The following HHIPL1 variants were observed in gnomAD, a reference collection of about 807,000 sequenced individuals.
The protein encoded by HHIPL1 is HHIP-like protein 1.
In HHIPL1, 43 loss-of-function variants were observed where a neutral mutation model predicts 61.8. The ratio of observed to expected loss-of-function variants is 0.70; its 90% CI spans 0.55 to 0.90. The LOEUF (loss-of-function observed/expected upper bound fraction) is 0.90, where lower values mean the gene tolerates loss of function less well. Ranked by LOEUF, HHIPL1 falls within the 40% of genes least tolerant of loss-of-function variation. The pLI, the probability that HHIPL1 is intolerant of heterozygous loss-of-function variation, is 0.00. For missense variants in HHIPL1, 1,056 were observed against 1,157.7 expected, an observed-to-expected ratio of 0.91 and a Z score of 1.28; for synonymous variants, 482 against 515.8, an observed-to-expected ratio of 0.93 and a Z score of 0.89.
At chr14:99,632,581 CT>C in the HHIPL1 span, among the ~76,000 whole-genome samples, 2 of 152,186 alleles carry the variant, frequency 1.3e-5, no homozygotes, top group East Asian at 3.9e-4. Context: ...TATCACTTCC[CT>C]TTTTCTGAGT....
At chr14:99,642,337 G>GT (rs778435689), upstream of HHIPL1, among the ~76,000 whole-genome samples, 15 of 151,716 alleles carry the variant, frequency 9.9e-5, no homozygotes, top group Admixed American at 2.0e-4. Context: ...TTTGGAAATT[G>GT]TTCCACAGTC....
intron 1 of HHIPL1, among the ~76,000 whole-genome samples, chr14:99,646,001 C>T (rs1423845831): frequency 2.6e-5 from 4 of 152,260 alleles, no homozygotes; most frequent in African/African-American, 4.8e-5. Flanking sequence ...GCCCTTGCCA[C>T]TTCCGCCACC....
chr14:99,632,286 C>T, the HHIPL1 span, among the ~76,000 whole-genome samples: 5 of 152,304 alleles, frequency 3.3e-5, no homozygotes, highest in Admixed American at 2.6e-4. Flanking sequence ...TTCTTACCTG[C>T]ACTCTCAGAG....
chr14:99,609,321 G>A, the HHIPL1 span, among the ~76,000 whole-genome samples: 1 of 152,202 alleles, frequency 6.6e-6, no homozygotes, highest in Non-Finnish European at 1.5e-5. Flanking sequence ...CAGAGCTCTT[G>A]CAAAGCTCTG....
At position 99,680,279 on chromosome 14, in the gene HHIPL1, C is replaced by T. The variant is rs1401286738; in HGVS notation, c.*4653C>T. 2.0e-5 allele frequency: 3 copies of T among 151,914 alleles called. No individual in the cohort carries two copies. Among genetic ancestry groups the T allele is most frequent in the African/African-American group, 7.3e-5 (3 of 41,310 alleles). The allele number at this position is 151,914 out of a possible 1,614,324, so 9.4% of individuals were successfully genotyped here. ...TCCCCAACAATTCCTGCTGGGAAAC[C>T]ACTCCTCGTATGGTGTCATCTACAC... On this transcript the variant is annotated 3_prime_UTR_variant, in exon 9 of 9. Transcript: ENST00000330710.
chr14:99,660,347 C>T lies in HHIPL1; in HGVS notation c.1443C>T (p.Tyr481=), dbSNP rs1182792423. 1 of 1,614,140 alleles carries T rather than the reference C, an allele frequency of 6.2e-7. No individual in the cohort carries two copies. The highest frequency in any genetic ancestry group is 1.1e-5 in the South Asian group (1 of 91,082). The part of the protein sequence containing the change: ...VGKSVTGGYV[Y]RGCEYPNLNG... ...AGTCGGTCACAGGGGGCTACGTGTACCGGGGCTGCGAGTACCCCAACCTGA... is the reference window on the plus strand; with the variant it reads ...AGTCGGTCACAGGGGGCTACGTGTATCGGGGCTGCGAGTACCCCAACCTGA... Residue 481 remains tyrosine (Y), a synonymous_variant, in exon 5 of 9, where the codon TAC becomes TAT. Coordinates refer to ENST00000330710, the MANE Select transcript of HHIPL1 (RefSeq NM_001127258.3). The surrounding 1 kb of genome is among the most constrained non-coding windows in gnomAD (Gnocchi z 4.9).
At chr14:99,648,638 T>C (rs921937007) in intron 1 of HHIPL1, among the ~76,000 whole-genome samples, 15 of 151,852 alleles carry the variant, frequency 9.9e-5, no homozygotes, top group African/African-American at 3.6e-4. Flanking sequence ...TTCAATGGAG[T>C]GAGTGTCGTG....
At chr14:99,627,483 T>C in the HHIPL1 span, among the ~76,000 whole-genome samples, 1 of 152,238 alleles carries the variant, frequency 6.6e-6, no homozygotes, top group Non-Finnish European at 1.5e-5. The surrounding 1 kb of genome is among the most constrained non-coding windows in gnomAD (Gnocchi z 4.4). Flanking sequence ...TCCCATCTCC[T>C]AAGCCCCTAG....
upstream of HHIPL1, among the ~76,000 whole-genome samples, chr14:99,641,499 C>T (rs1229979035): frequency 2.0e-5 from 3 of 151,682 alleles, no homozygotes; most frequent in African/African-American, 4.8e-5. Flanking sequence ...CTGCAACCTC[C>T]ACCTCCCAGG....
rs1397372738 is a variant in HHIPL1 at position 99,659,739 on chromosome 14, G to T, written c.1358G>T (p.Cys453Phe). Reference protein sequence around the residue: ...EGFECYDRSLCANTSLNDLLP... With the variant: ...EGFECYDRSLFANTSLNDLLP... ...TTCGAGTGCTACGACCGCAGCCTGT[G>T]CGCCAACACCTCTCTCAGTGAGTGC... The change falls in exon 4 of 9, where the codon TGC (cysteine) becomes TTC (phenylalanine). Residue 453 changes from cysteine (C) to phenylalanine (F), a missense_variant. Coordinates refer to ENST00000330710, the MANE Select transcript of HHIPL1 (RefSeq NM_001127258.3). 6.9e-7 allele frequency: 1 copy of T among 1,441,010 alleles called. No individual in the cohort carries two copies. The highest frequency in any genetic ancestry group is 1.5e-5 in the South Asian group (1 of 67,548). 89.3% of individuals were successfully genotyped at this position (1,441,010 alleles called of 1,614,324 possible).
the HHIPL1 span, among the ~76,000 whole-genome samples, chr14:99,633,048 T>A: frequency 1.3e-5 from 2 of 151,724 alleles, no homozygotes; most frequent in Admixed American, 1.3e-4. Context: ...GGTGGGTGGA[T>A]TCATGTGAGA....
At chr14:99,642,066 A>C (rs2055759029), upstream of HHIPL1, among the ~76,000 whole-genome samples, 1 of 151,414 alleles carries the variant, frequency 6.6e-6, no homozygotes, top group African/African-American at 2.4e-5. Flanking sequence ...CAGCCTCCCG[A>C]GTAGCTGGGA....
At chr14:99,643,994 G>C (rs1003796954), upstream of HHIPL1, among the ~76,000 whole-genome samples, 1 of 152,206 alleles carries the variant, frequency 6.6e-6, no homozygotes, top group African/African-American at 2.4e-5. Context: ...TGGCTTCTTA[G>C]CCTCTTTGGC....
At chr14:99,637,011 GA>G in the HHIPL1 span, among the ~76,000 whole-genome samples, 3 of 63,858 alleles carry the variant, frequency 4.7e-5, no homozygotes, top group Admixed American at 6.9e-4. Context: ...AAGAAAGAAA[GA>G]AAGAAAGAAA....
At chr14:99,674,593 C>T (rs933283509) in intron 8 of HHIPL1, among the ~76,000 whole-genome samples, 2 of 152,178 alleles carry the variant, frequency 1.3e-5, no homozygotes, top group Non-Finnish European at 2.9e-5. Context: ...CCACTGGCCA[C>T]CACAGACCCG....
At chr14:99,634,850 G>A in the HHIPL1 span, among the ~76,000 whole-genome samples, 146,036 of 152,250 alleles carry the variant, frequency 0.96, 70,325 homozygotes, top group East Asian at 1. Flanking sequence ...GTTTTTCATT[G>A]GTTTCTTTTT....
the HHIPL1 span, among the ~76,000 whole-genome samples, chr14:99,635,410 G>A: frequency 6.6e-6 from 1 of 151,898 alleles, no homozygotes; most frequent in Admixed American, 6.6e-5. Context: ...AGAAGCCGGG[G>A]AATCAGATGC....
chr14:99,674,541 A>G (rs1391121391), intron 8 of HHIPL1, among the ~76,000 whole-genome samples: 1 of 151,856 alleles, frequency 6.6e-6, no homozygotes, highest in Non-Finnish European at 1.5e-5. Flanking sequence ...ATTCACCCTG[A>G]CCCCAGGGAT....
the HHIPL1 span, chr14:99,624,768 A>G: frequency 6.6e-6 from 1 of 152,206 alleles, no homozygotes; most frequent in African/African-American, 2.4e-5. Context: ...CCAGGAACCT[A>G]CTTCAGGGAA....
Sources: allele counts gnomAD v4.1 joint callset (sites outside exome capture counted in the v4.1 genomes callset), GRCh38; gene constraint gnomAD v4.1.1; non-coding constraint Gnocchi (gnomAD v3.1); transcripts MANE v1.5; gene names NCBI Gene and HGNC (gene_info 2026-07-23, HGNC 2026-07-21).